Variants in KIF5A observed in about 807,000 individuals in gnomAD.
The protein encoded by KIF5A is kinesin family member 5A.
A neutral mutation model predicts 141.3 loss-of-function variants in KIF5A; 35 were observed. The observed-to-expected ratio is 0.25, with a 90% CI of 0.19 to 0.33. The LOEUF (loss-of-function observed/expected upper bound fraction) is 0.33. Ranked by LOEUF, KIF5A falls within the 10% of genes least tolerant of loss-of-function variation. The probability of loss-of-function intolerance (pLI) is 1.00; values close to 1 mark genes in which losing one functional copy is unlikely to be tolerated. For synonymous variants in KIF5A, 448 were observed against 500.2 expected, an observed-to-expected ratio of 0.90 and a Z score of 1.39; for missense variants, 861 against 1,314.3, an observed-to-expected ratio of 0.66 and a Z score of 5.33.
chr12:57,550,364 C>T lies in KIF5A; in HGVS notation c.93C>T (p.Ile31=), dbSNP rs923503057. 4 of 1,614,056 alleles carry T rather than the reference C, an allele frequency of 2.5e-6. No homozygotes were observed. Among genetic ancestry groups the T allele is most frequent in the Admixed American group, 1.7e-5 (1 of 60,016 alleles). The change falls in exon 1 of 29, where the codon ATC becomes ATT. Residue 31 remains isoleucine, a synonymous_variant. Coordinates refer to ENST00000455537, the MANE Select transcript of KIF5A (RefSeq NM_004984.4). The surrounding 1 kb of genome is among the most constrained non-coding windows in gnomAD (Gnocchi z 4.6). ...AGATTCTGCGGGGAGACAAGTTCAT[C>T]CCCATTTTCCAAGGGGACGACAGCG... The part of the protein sequence containing the change: ...QAEILRGDKF[I]PIFQGDDSVV...
intron 1 of KIF5A, among the ~76,000 whole-genome samples, chr12:57,551,842 C>A (rs1017809471): frequency 6.6e-6 from 1 of 151,444 alleles, no homozygotes; most frequent in Non-Finnish European, 1.5e-5. Context: ...GCACCCTTAC[C>A]CACACTGTTA....
Position 57,578,457 on chromosome 12 carries a change from C to T in KIF5A, c.2538+115C>T, listed in dbSNP as rs372209752. The T allele has an allele frequency of 5.9e-5, 44 of 744,872 alleles. 1 individual carries two copies. The highest frequency in any genetic ancestry group is 3.7e-4 in the East Asian group (14 of 37,976). The allele number at this position is 744,872 out of a possible 1,614,324, so 46.1% of individuals were successfully genotyped here. On this transcript the variant is annotated intron_variant, in intron 23 of 28. Transcript: ENST00000455537. Reference sequence around the variant, plus strand: ...CTAGTTGCATGTTTTCCTTACTGTTCGCTTTTACTTTCCCTACTAATCCCT... The same window carrying T: ...CTAGTTGCATGTTTTCCTTACTGTTTGCTTTTACTTTCCCTACTAATCCCT...
Position 57,583,299 on chromosome 12 carries a change from CT to C in KIF5A, c.*36+95del, listed in dbSNP as rs35104895. 22,700 of 543,770 alleles carry C rather than the reference CT, an allele frequency of 0.042. 5 individuals carry two copies. The highest frequency in any genetic ancestry group is 0.059 in the East Asian group (1,526 of 25,858). 33.7% of individuals were successfully genotyped at this position (543,770 alleles called of 1,614,324 possible). ...CTCTTTGGTTTTCCTGCTGCTGCTT[CT>C]TTTTTTTTTTATCACCTCAAAACTT... On this transcript the variant is annotated intron_variant, in intron 28 of 28. Transcript: ENST00000455537.
intron 23 of KIF5A, among the ~76,000 whole-genome samples, chr12:57,578,816 C>T (rs575205859): frequency 1.8e-4 from 27 of 152,202 alleles, no homozygotes; most frequent in African/African-American, 5.8e-4. Context: ...GTAGTCCCAG[C>T]GCTTCAGGAA....
rs931137091 is a variant in KIF5A, at chr12:57,584,420, T to G, written c.*239T>G. ...TGTCTTATTCTCAAGTATCTACTGA[T>G]GTATTTAGCAATTTCAAAGCATAGT... On this transcript the variant is annotated 3_prime_UTR_variant, in exon 29 of 29. Transcript: ENST00000455537. The G allele has an allele frequency of 6.5e-6, 1 of 152,688 alleles. No individual in the cohort carries two copies. Among genetic ancestry groups the G allele is most frequent in the Non-Finnish European group, 1.5e-5 (1 of 68,060 alleles). The allele number at this position is 152,688 out of a possible 1,614,324, so 9.5% of individuals were successfully genotyped here. A position where few individuals can be genotyped will look rare whatever the true frequency, so the allele number is the denominator to read the frequency against.
Position 57,572,542 on chromosome 12 carries a change from AG to A in KIF5A, c.1570-36del. The A allele has an allele frequency of 6.2e-7, 1 of 1,613,888 alleles. No individual in the cohort carries two copies. Among genetic ancestry groups the A allele is most frequent in the Non-Finnish European group, 8.5e-7 (1 of 1,179,954 alleles). ...TGCCTGGGCTGGGCAAGGGAGCAGGAGGATGGCAACAGGAATGACCTGAGGG... is the reference window on the plus strand; with the variant it reads ...TGCCTGGGCTGGGCAAGGGAGCAGGAGATGGCAACAGGAATGACCTGAGGG... On this transcript the variant is annotated intron_variant, in intron 14 of 28. Transcript: ENST00000455537. The surrounding 1 kb of genome is among the most constrained non-coding windows in gnomAD (Gnocchi z 4.2).
chr12:57,553,212 C>G (rs1470722335), intron 1 of KIF5A, among the ~76,000 whole-genome samples: 1 of 152,174 alleles, frequency 6.6e-6, no homozygotes, highest in African/African-American at 2.4e-5. Flanking sequence ...ACTGCTGCAT[C>G]TGTACCAGAT....
At position 57,582,385 on chromosome 12, in the gene KIF5A, G is replaced by A. The variant is rs809593; in HGVS notation, c.2993-217G>A. Among the ~76,000 whole-genome samples the A allele has an allele frequency of 0.9, 137,432 of 152,136 alleles. 63,646 individuals are homozygous for A. The highest frequency in any genetic ancestry group is 1 in the East Asian group (5,182 of 5,184). On this transcript the variant is annotated intron_variant, in intron 26 of 28. Coordinates refer to ENST00000455537, the MANE Select transcript of KIF5A (RefSeq NM_004984.4). ...TATTACCACGCCAATCCCAGCCCTT[G>A]CCTTCCAGTTCCCTTTTCCTCTCCT...
At position 57,554,881 on chromosome 12, in the gene KIF5A, C is replaced by A. The variant is rs191315903; in HGVS notation, c.129+4481C>A. On this transcript the variant is annotated intron_variant, in intron 1 of 28. Transcript: ENST00000455537. Reference sequence around the variant, plus strand: ...TCATTACCATGGGGAAGGCACCAAGCCACTCATCAGGGATTTACCTCCTTG... The same window carrying A: ...TCATTACCATGGGGAAGGCACCAAGACACTCATCAGGGATTTACCTCCTTG... Among the ~76,000 whole-genome samples the A allele has an allele frequency of 2.6e-5, 4 of 152,308 alleles. No homozygotes were observed. The East Asian group carries it at 7.7e-4, about 29-fold the overall frequency.
Position 57,580,943 on chromosome 12 carries a change from G to A in KIF5A, c.2539-13G>A, listed in dbSNP as rs1057523621. The A allele has an allele frequency of 5.0e-6, 8 of 1,613,148 alleles. No homozygotes were observed. ...CCTTCCTTTCCACTTCTTCCCTTTG[G>A]CTTGCCCCATAGCTGGTACGTGACA... On this transcript the variant is annotated splice_polypyrimidine_tract_variant and intron_variant, in intron 23 of 28. Coordinates refer to ENST00000455537, the MANE Select transcript of KIF5A (RefSeq NM_004984.4).
At chr12:57,559,083 T>C (rs1279721591) in intron 1 of KIF5A, among the ~76,000 whole-genome samples, 2 of 152,218 alleles carry the variant, frequency 1.3e-5, no homozygotes, top group African/African-American at 4.8e-5. Flanking sequence ...TTCAACTGTA[T>C]AATTTGTTGT....
At chr12:57,559,835 G>GT (rs1427417349) in intron 1 of KIF5A, among the ~76,000 whole-genome samples, 2 of 152,118 alleles carry the variant, frequency 1.3e-5, no homozygotes, top group Non-Finnish European at 2.9e-5. Context: ...CTTTCAACGT[G>GT]TTTTTGAGAT....
At chr12:57,558,361 G>A (rs1018475685) in intron 1 of KIF5A, among the ~76,000 whole-genome samples, 4 of 151,916 alleles carry the variant, frequency 2.6e-5, no homozygotes, top group Non-Finnish European at 5.9e-5. Context: ...CCAACATGGT[G>A]AAACCTCGTC....
chr12:57,580,753 C>G (rs928619314), intron 23 of KIF5A, among the ~76,000 whole-genome samples: 1 of 152,184 alleles, frequency 6.6e-6, no homozygotes, highest in African/African-American at 2.4e-5. Flanking sequence ...ACCCTTCGCT[C>G]TGGGAGAAGG....
chr12:57,567,770 C>T, intron 8 of KIF5A, 152 bp downstream of exon 8: 8 of 774,942 alleles, frequency 1.0e-5, no homozygotes, highest in Non-Finnish European at 1.6e-5. Flanking sequence ...AAGTGATTCT[C>T]CTGCCTAAAC....
rs759346195 is a variant in KIF5A, at chr12:57,550,076, C to T, written c.-196C>T. 1.7e-4 allele frequency: 110 copies of T among 654,734 alleles called. No individual in the cohort carries two copies. The highest frequency in any genetic ancestry group is 1.8e-4 in the Non-Finnish European group (67 of 380,474). 40.6% of individuals were successfully genotyped at this position (654,734 alleles called of 1,614,324 possible). A position where few individuals can be genotyped will look rare whatever the true frequency, so the allele number is the denominator to read the frequency against. ...CCGAAAGGACCAGACGCCCAGGTCG[C>T]CCGCATCCCGCTGCCGCAGGAGAGA... On this transcript the variant is annotated 5_prime_UTR_variant, in exon 1 of 29. Coordinates refer to ENST00000455537, the MANE Select transcript of KIF5A (RefSeq NM_004984.4). This position sits in a 1 kb window ranked among gnomAD's most constrained non-coding sequence, Gnocchi z 4.6.
chr12:57,584,455 T>C lies in KIF5A; in HGVS notation c.*274T>C, dbSNP rs1048752863. On this transcript the variant is annotated 3_prime_UTR_variant, in exon 29 of 29. Coordinates refer to ENST00000455537, the MANE Select transcript of KIF5A (RefSeq NM_004984.4). ...AATTTCAAAGCATAGTCTACCTTCC[T>C]TATTTGGGGCAATAGGGAGGAGGGT... is the stretch of plus-strand genomic sequence containing the variant. The C allele has an allele frequency of 1.3e-5, 2 of 152,656 alleles. No homozygotes were observed. The highest frequency in any genetic ancestry group is 2.9e-5 in the Non-Finnish European group (2 of 68,040). The allele number at this position is 152,656 out of a possible 1,614,324, so 9.5% of individuals were successfully genotyped here. A position where few individuals can be genotyped will look rare whatever the true frequency, so the allele number is the denominator to read the frequency against.
chr12:57,575,380 C>A, intron 16 of KIF5A, 108 bp downstream of exon 16: 1 of 1,256,972 alleles, frequency 8.0e-7, no homozygotes, highest in Non-Finnish European at 1.1e-6. Flanking sequence ...GTTCTGGGGT[C>A]AAGTGAAATC....
chr12:57,555,683 G>T (rs115048524), intron 1 of KIF5A, among the ~76,000 whole-genome samples: 5,573 of 151,980 alleles, frequency 0.037, 127 homozygotes, highest in South Asian at 0.06. Context: ...GACAGAGGCG[G>T]GTGGATAACA....
Sources: allele counts gnomAD v4.1 joint callset (sites outside exome capture counted in the v4.1 genomes callset), GRCh38; gene constraint gnomAD v4.1.1; non-coding constraint Gnocchi (gnomAD v3.1); transcripts MANE v1.5; gene names NCBI Gene and HGNC (gene_info 2026-07-23, HGNC 2026-07-21).